Variants in URM1 observed in about 807,000 individuals in gnomAD.
The protein encoded by URM1 is ubiquitin related modifier 1.
In URM1, 11 loss-of-function variants were observed where a neutral mutation model predicts 17.7. That is an observed-to-expected ratio of 0.62 (90% confidence interval 0.39 to 1.03). URM1 has a LOEUF of 1.03. URM1 is among the 50% of genes least tolerant of loss of function. The pLI is 0.00. For synonymous variants in URM1, 48 were observed against 50.6 expected, an observed-to-expected ratio of 0.95 and a Z score of 0.22; for missense variants, 128 against 129.2, an observed-to-expected ratio of 0.99 and a Z score of 0.04.
chr9:128,385,365 G>C (rs1297673174), intron 2 of URM1, among the ~76,000 whole-genome samples: 1 of 152,180 alleles, frequency 6.6e-6, no homozygotes, highest in Non-Finnish European at 1.5e-5. Context: ...CTGACCTCTA[G>C]CTCCCTGAGG....
chr9:128,375,289 C>A (rs1207842706), intron 1 of URM1, among the ~76,000 whole-genome samples: 4 of 152,224 alleles, frequency 2.6e-5, no homozygotes, highest in Non-Finnish European at 5.9e-5. Flanking sequence ...ACCAGGTCAG[C>A]AGCAGGTGGC....
intron 2 of URM1, among the ~76,000 whole-genome samples, chr9:128,381,200 A>G (rs917499725): frequency 2.6e-5 from 4 of 152,206 alleles, no homozygotes; most frequent in Non-Finnish European, 5.9e-5. Flanking sequence ...GTACTAAGTT[A>G]CTGGATATTC....
rs765884565 is a variant in URM1, at chr9:128,389,370, C to T, written c.237+61C>T. 5.0e-5 allele frequency: 81 copies of T among 1,613,722 alleles called. No homozygotes were observed. The highest frequency in any genetic ancestry group is 6.7e-5 in the Admixed American group (4 of 59,986). On this transcript the variant is annotated intron_variant, in intron 4 of 4. Coordinates refer to ENST00000372853, the MANE Select transcript of URM1 (RefSeq NM_030914.4). Reference sequence around the variant, plus strand: ...TGCCCTTGCTGCTTCAGTGGGAAAGCGTTGGGCCTCTCCTCAGGCACATAT... The same window carrying T: ...TGCCCTTGCTGCTTCAGTGGGAAAGTGTTGGGCCTCTCCTCAGGCACATAT...
chr9:128,371,410 G>T lies in URM1; in HGVS notation c.30G>T (p.Glu10Asp). The part of the protein sequence containing the change: MAAPLSVEV[E>D]FGGGAELLFD... ...CTGCGCCCTTGTCAGTGGAGGTGGA[G>T]TTCGGGTGAGTCACAGAGCTGGGGC... is the stretch of plus-strand genomic sequence containing the variant. Residue 10 changes from glutamate (E) to aspartate (D), a missense_variant, in exon 1 of 5, where the codon GAG becomes GAT. By Grantham distance (45) the Glu-to-Asp change is conservative. Transcript: ENST00000372853. The T allele has an allele frequency of 1.2e-6, 2 of 1,613,176 alleles. No homozygotes were observed. The highest frequency in any genetic ancestry group is 1.7e-6 in the Non-Finnish European group (2 of 1,179,356).
chr9:128,378,002 C>A, intron 1 of URM1, 34 bp from the exon 2 acceptor site: 1 of 1,609,650 alleles, frequency 6.2e-7, no homozygotes. Context: ...CAGGAGCTCA[C>A]CTGGCTGTCT....
At chr9:128,378,762 A>G (rs1429557791) in intron 2 of URM1, among the ~76,000 whole-genome samples, 2 of 150,830 alleles carry the variant, frequency 1.3e-5, no homozygotes, top group Admixed American at 6.6e-5. Context: ...CTAGACCAAC[A>G]TGGCGAAATC....
chr9:128,378,767 G>A lies in URM1; in HGVS notation c.106+661G>A, dbSNP rs138148353. 3.6e-4 allele frequency among the ~76,000 whole-genome samples: 54 copies of A among 150,800 alleles called. No homozygotes were observed. In the East Asian group the frequency reaches 9.9e-3, roughly 28 times the overall value. On this transcript the variant is annotated intron_variant, in intron 2 of 4. Coordinates refer to ENST00000372853, the MANE Select transcript of URM1 (RefSeq NM_030914.4). Reference sequence around the variant, plus strand: ...ACCAGGAGTTCTAGACCAACATGGCGAAATCCCATCTCTACTAGAAATACA... The same window carrying A: ...ACCAGGAGTTCTAGACCAACATGGCAAAATCCCATCTCTACTAGAAATACA...
intron 1 of URM1, 43 bp downstream of exon 1, chr9:128,371,458 G>A (rs757974980): frequency 2.5e-6 from 4 of 1,600,094 alleles, no homozygotes; most frequent in Non-Finnish European, 3.4e-6. Flanking sequence ...GATTGAAGTC[G>A]TCGGGCCCAG....
intron 2 of URM1, among the ~76,000 whole-genome samples, chr9:128,385,288 C>T (rs923628144): frequency 6.6e-6 from 1 of 152,162 alleles, no homozygotes; most frequent in African/African-American, 2.4e-5. Flanking sequence ...TCAGTCAGGC[C>T]TCTCCTGATC....
chr9:128,387,751 G>T lies in URM1; in HGVS notation c.107-65G>T. On this transcript the variant is annotated intron_variant, in intron 2 of 4. Transcript: ENST00000372853. This position sits in a 1 kb window ranked among gnomAD's most constrained non-coding sequence, Gnocchi z 4.3. ...GTGTATTTCCTTGTGGGCCAGGCAAGGCTCTGGGGGTGGGCAGGTGCTATT... is the reference window on the plus strand; with the variant it reads ...GTGTATTTCCTTGTGGGCCAGGCAATGCTCTGGGGGTGGGCAGGTGCTATT... 1 of 1,608,746 alleles carries T rather than the reference G, an allele frequency of 6.2e-7. No individual in the cohort carries two copies.
At chr9:128,379,587 C>T (rs1398655877) in intron 2 of URM1, among the ~76,000 whole-genome samples, 1 of 152,158 alleles carries the variant, frequency 6.6e-6, no homozygotes, top group Non-Finnish European at 1.5e-5. Context: ...ATCACGAGGT[C>T]AGGAGTTCAA....
At position 128,387,706 on chromosome 9, in the gene URM1, A is replaced by G. The variant is rs1833246011; in HGVS notation, c.107-110A>G. 9.7e-6 allele frequency: 15 copies of G among 1,548,408 alleles called. No homozygotes were observed. The South Asian group carries it at 1.7e-4, about 17-fold the overall frequency. On this transcript the variant is annotated intron_variant, in intron 2 of 4. Coordinates refer to ENST00000372853, the MANE Select transcript of URM1 (RefSeq NM_030914.4). This position sits in a 1 kb window ranked among gnomAD's most constrained non-coding sequence, Gnocchi z 4.3. Reference sequence around the variant, plus strand: ...ATGGGCTATCACAGCCTGGTCTAAAAGAAGCCCTCTAAACACCGTGTGTAT... The same window carrying G: ...ATGGGCTATCACAGCCTGGTCTAAAGGAAGCCCTCTAAACACCGTGTGTAT...
intron 4 of URM1, 55 bp from the exon 5 acceptor site, chr9:128,389,606 CTGGGG>C: frequency 6.2e-7 from 1 of 1,608,680 alleles, no homozygotes; most frequent in South Asian, 1.1e-5. Flanking sequence ...CTCCCAACTC[CTGGGG>C]TGGACCTGGG....
At chr9:128,385,276 C>T (rs1238640479) in intron 2 of URM1, among the ~76,000 whole-genome samples, 2 of 152,132 alleles carry the variant, frequency 1.3e-5, no homozygotes, top group Non-Finnish European at 2.9e-5. Context: ...TGTTTAACAC[C>T]CTCAGTCAGG....
intron 1 of URM1, among the ~76,000 whole-genome samples, chr9:128,377,133 C>T (rs557489270): frequency 6.6e-6 from 1 of 152,276 alleles, no homozygotes; most frequent in African/African-American, 2.4e-5. Flanking sequence ...TGGCCTCCCA[C>T]AGTGCTAGGA....
At chr9:128,381,259 G>A (rs1249192133) in intron 2 of URM1, among the ~76,000 whole-genome samples, 1 of 152,236 alleles carries the variant, frequency 6.6e-6, no homozygotes, top group African/African-American at 2.4e-5. Context: ...AGTTAGCAGT[G>A]TAATGGGAGT....
rs1431344267 is a variant in URM1, at chr9:128,390,267, C to T, written c.*533C>T. 6.5e-6 allele frequency: 1 copy of T among 154,460 alleles called. No homozygotes were observed. Among genetic ancestry groups the T allele is most frequent in the African/African-American group, 2.4e-5 (1 of 41,394 alleles). 9.6% of individuals were successfully genotyped at this position (154,460 alleles called of 1,614,324 possible). On this transcript the variant is annotated 3_prime_UTR_variant, in exon 5 of 5. Transcript: ENST00000372853. ...CAGTATGGAACCCCAGCTGGGGTCC[C>T]CTATTGAGTGCCGACTCCCCCCACC...
intron 2 of URM1, among the ~76,000 whole-genome samples, chr9:128,378,313 T>C (rs112515803): frequency 0.084 from 12,625 of 150,696 alleles, 734 homozygotes; most frequent in East Asian, 0.19. Context: ...CCAAGGTGGG[T>C]GGATCACAAG....
At chr9:128,372,367 T>A (rs1231704938) in intron 1 of URM1, among the ~76,000 whole-genome samples, 1 of 152,048 alleles carries the variant, frequency 6.6e-6, no homozygotes, top group African/African-American at 2.4e-5. Context: ...GGGATGGGAA[T>A]CTAAAACCTC....
Sources: gnomAD v4.1 joint callset for allele counts (sites outside exome capture counted in the v4.1 genomes callset) on GRCh38, gnomAD v4.1.1 for gene constraint, Gnocchi (gnomAD v3.1) non-coding constraint, MANE v1.5 for transcripts, NCBI Gene and HGNC (gene_info 2026-07-23, HGNC 2026-07-21) for gene names.